KCTD7: variants seen among roughly 807,000 people sequenced by gnomAD.
KCTD7 encodes potassium channel tetramerization domain containing 7.
Under a neutral mutation model 27.0 loss-of-function variants are expected in KCTD7, and 15 were observed. The observed-to-expected ratio is 0.56, with a 90% CI of 0.37 to 0.86. KCTD7 has a LOEUF of 0.86. KCTD7 is among the 40% of genes least tolerant of loss of function. The probability of loss-of-function intolerance (pLI) is 0.00; values close to 1 mark genes in which losing one functional copy is unlikely to be tolerated. For synonymous variants in KCTD7, 159 were observed against 162.7 expected (o/e 0.98, Z 0.17); for missense variants, 299 against 398.9 (o/e 0.75, Z 2.13).
intron 2 of KCTD7, among the ~76,000 whole-genome samples, chr7:66,637,376 G>A (rs765042367): frequency 1.3e-5 from 2 of 152,110 alleles, no homozygotes; most frequent in African/African-American, 2.4e-5. Flanking sequence ...GTGAGCCACC[G>A]TGCCTGGCCT....
rs751140440 is a variant in KCTD7 at position 66,633,374 on chromosome 7, A to G, written c.244A>G (p.Ser82Gly). The change falls in exon 2 of 4, where the codon AGT becomes GGT. Residue 82 changes from serine (S) to glycine (G), a missense_variant. Transcript: ENST00000639828. ...AGACACCATGTTGGCAGCCATGTTC[A>G]GTGGGCGGCACTACATCCCCACGGA... ...YEDTMLAAMF[S>G]GRHYIPTDSE... is the part of the protein sequence containing the mutation. 3.7e-6 allele frequency: 6 copies of G among 1,614,076 alleles called. No homozygotes were observed. Among genetic ancestry groups the G allele is most frequent in the Non-Finnish European group, 1.7e-6 (2 of 1,179,978 alleles).
Position 66,638,438 on chromosome 7 carries a change from G to A in KCTD7, c.493+7G>A. ...CTCATGCCCTATTACAAAGGTGAGG[G>A]TCAGCTGCCCAGGATGGTGGGTATG... On this transcript the variant is annotated splice_region_variant and intron_variant, in intron 3 of 3. Transcript: ENST00000639828. The A allele has an allele frequency of 6.2e-7, 1 of 1,612,090 alleles. No individual in the cohort carries two copies. Among genetic ancestry groups the A allele is most frequent in the Non-Finnish European group, 8.5e-7 (1 of 1,179,206 alleles).
chr7:66,642,495 G>A lies in KCTD7; in HGVS notation c.*3263G>A. The A allele has an allele frequency of 1.0e-6, 1 of 985,390 alleles. No individual in the cohort carries two copies. The highest frequency in any genetic ancestry group is 1.2e-6 in the Non-Finnish European group (1 of 829,940). 61.0% of individuals were successfully genotyped at this position (985,390 alleles called of 1,614,324 possible). On this transcript the variant is annotated 3_prime_UTR_variant, in exon 4 of 4. Coordinates refer to ENST00000639828, the MANE Select transcript of KCTD7 (RefSeq NM_153033.5). ...GTGTGAGCATCCATGTGTGGTCTTG[G>A]TCTAAACCAGCTCTTGAACAGGTTA...
chr7:66,633,708 C>T lies in KCTD7; in HGVS notation c.314+264C>T, dbSNP rs558068907. ...ACAATTAAACAATTTTTATTTTCAG[C>T]TCTGCGCGGTGCTCATGCCTGTAAT... On this transcript the variant is annotated intron_variant, in intron 2 of 3. Coordinates refer to ENST00000639828, the MANE Select transcript of KCTD7 (RefSeq NM_153033.5). 2.0e-4 allele frequency among the ~76,000 whole-genome samples: 30 copies of T among 151,702 alleles called. 1 individual carries two copies. Among genetic ancestry groups the T allele is most frequent in the African/African-American group, 7.0e-4 (29 of 41,348 alleles).
rs1429482923 is a variant in KCTD7, at chr7:66,638,897, G to A, written c.535G>A (p.Val179Ile). The part of the protein sequence containing the change: ...RIVEIARLRA[V>I]QRKARFAKLK... ...TGTGGAGATCGCCCGGCTGCGTGCG[G>A]TCCAGCGGAAGGCCCGCTTTGCCAA... The change falls in exon 4 of 4, where the codon GTC becomes ATC. Residue 179 changes from valine (V) to isoleucine (I), a missense_variant. Physicochemically the swap from Val to Ile is conservative, Grantham distance 29 (BLOSUM62 3). Coordinates refer to ENST00000639828, the MANE Select transcript of KCTD7 (RefSeq NM_153033.5). 1 of 1,614,080 alleles carries A rather than the reference G, an allele frequency of 6.2e-7. No homozygotes were observed. Among genetic ancestry groups the A allele is most frequent in the East Asian group, 2.2e-5 (1 of 44,870 alleles).
In KCTD7 at chr7:66,639,204, T is replaced by C; in HGVS notation, c.842T>C (p.Ile281Thr). Residue 281 changes from isoleucine (I) to threonine (T), a missense_variant, in exon 4 of 4, where the codon ATC becomes ACC. Ile to Thr is a moderately conservative substitution (Grantham distance 89). Coordinates refer to ENST00000639828, the MANE Select transcript of KCTD7 (RefSeq NM_153033.5). Reference protein sequence around the residue: ...LVNHYYCKRPIYEFKITWW With the variant: ...LVNHYYCKRPTYEFKITWW Reference sequence around the variant, plus strand: ...AACCACTACTACTGCAAGCGCCCCATCTATGAGTTCAAGATCACATGGTGG... The same window carrying C: ...AACCACTACTACTGCAAGCGCCCCACCTATGAGTTCAAGATCACATGGTGG... 6.2e-7 allele frequency: 1 copy of C among 1,613,322 alleles called. No homozygotes were observed. The highest frequency in any genetic ancestry group is 8.5e-7 in the Non-Finnish European group (1 of 1,180,014).
rs984651812 is a variant in KCTD7, at chr7:66,633,411, G to A, written c.281G>A (p.Arg94Gln). The change falls in exon 2 of 4, where the codon CGG becomes CAG. Residue 94 changes from arginine (R) to glutamine (Q), a missense_variant. Physicochemically the swap from Arg to Gln is conservative, Grantham distance 43 (BLOSUM62 1). Transcript: ENST00000639828. ...RHYIPTDSEG[R>Q]YFIDRDGTHF... is the part of the protein sequence containing the mutation. ...TACATCCCCACGGACTCCGAGGGCCGGTACTTCATCGACCGAGATGGCACA... is the reference window on the plus strand; with the variant it reads ...TACATCCCCACGGACTCCGAGGGCCAGTACTTCATCGACCGAGATGGCACA... 2 of 1,613,938 alleles carry A rather than the reference G, an allele frequency of 1.2e-6. No individual in the cohort carries two copies. The highest frequency in any genetic ancestry group is 1.7e-6 in the Non-Finnish European group (2 of 1,180,026).
chr7:66,635,841 C>T, intron 2 of KCTD7, among the ~76,000 whole-genome samples: 1 of 151,580 alleles, frequency 6.6e-6, no homozygotes, highest in East Asian at 1.9e-4. Context: ...AAAGTGCCGG[C>T]CCCAGCTAGC....
rs1007488435 is a variant in KCTD7 at position 66,640,379 on chromosome 7, A to C, written c.*1147A>C. On this transcript the variant is annotated 3_prime_UTR_variant, in exon 4 of 4. Transcript: ENST00000639828. ...CACTCCTGTATATTTTGGTTTACTT[A>C]CTCCTCTATTTCAGAAATTGAAAAA... is the stretch of plus-strand genomic sequence containing the variant. 4 of 1,536,676 alleles carry C rather than the reference A, an allele frequency of 2.6e-6. No individual in the cohort carries two copies. The highest frequency in any genetic ancestry group is 3.9e-5 in the Admixed American group (2 of 50,936).
At chr7:66,634,784 C>T (rs1786547330) in intron 2 of KCTD7, among the ~76,000 whole-genome samples, 1 of 148,660 alleles carries the variant, frequency 6.7e-6, no homozygotes, top group African/African-American at 2.5e-5. Context: ...CAAGGAAAGT[C>T]TTTAAAAAAA....
intron 2 of KCTD7, 149 bp downstream of exon 2, chr7:66,633,593 A>ATTT (rs200130485): frequency 9.3e-5 from 59 of 636,208 alleles, no homozygotes; most frequent in Non-Finnish European, 1.2e-4. Flanking sequence ...AAAGAGATCA[A>ATTT]TTTTTTTTTT....
chr7:66,638,926 C>T lies in KCTD7; in HGVS notation c.564C>T (p.Leu188=). Residue 188 remains leucine (L), a synonymous_variant, in exon 4 of 4, where the codon CTC becomes CTT. Coordinates refer to ENST00000639828, the MANE Select transcript of KCTD7 (RefSeq NM_153033.5). ...AGCGGAAGGCCCGCTTTGCCAAGCTCAAGGTCTGTGTCTTCAAGGAGGAGA... is the reference window on the plus strand; with the variant it reads ...AGCGGAAGGCCCGCTTTGCCAAGCTTAAGGTCTGTGTCTTCAAGGAGGAGA... ...AVQRKARFAK[L]KVCVFKEEMP... The T allele has an allele frequency of 6.2e-7, 1 of 1,614,180 alleles. No individual in the cohort carries two copies. Among genetic ancestry groups the T allele is most frequent in the Non-Finnish European group, 8.5e-7 (1 of 1,180,030 alleles).
intron 1 of KCTD7, among the ~76,000 whole-genome samples, chr7:66,631,621 A>G (rs2116760475): frequency 6.6e-6 from 1 of 152,108 alleles, no homozygotes; most frequent in South Asian, 2.1e-4. Context: ...ATCTGGAGGA[A>G]GTTTGTGGGA....
At position 66,640,574 on chromosome 7, in the gene KCTD7, G is replaced by C; in HGVS notation, c.*1342G>C. ...AGGGTGTCTCTCTCTAATCATGATT[G>C]TACCTGTCTCTTCCTGGGTAAAGGG... On this transcript the variant is annotated 3_prime_UTR_variant, in exon 4 of 4. Transcript: ENST00000639828. 1 of 1,418,252 alleles carries C rather than the reference G, an allele frequency of 7.1e-7. No homozygotes were observed. The highest frequency in any genetic ancestry group is 2.6e-5 in the East Asian group (1 of 37,948). The allele number at this position is 1,418,252 out of a possible 1,614,324, so 87.9% of individuals were successfully genotyped here. A position where few individuals can be genotyped will look rare whatever the true frequency, so the allele number is the denominator to read the frequency against.
Position 66,640,194 on chromosome 7 carries a change from TCTC to T in KCTD7, c.*965_*967del. On this transcript the variant is annotated 3_prime_UTR_variant, in exon 4 of 4. Coordinates refer to ENST00000639828, the MANE Select transcript of KCTD7 (RefSeq NM_153033.5). ...CCCTGTTCCTCTGTCCTGGTAACAT[TCTC>T]CTTCTAGGAGAGCCTCTCTTCTGAG... is the stretch of plus-strand genomic sequence containing the variant. The T allele has an allele frequency of 7.0e-7, 1 of 1,438,690 alleles. No homozygotes were observed. The highest frequency in any genetic ancestry group is 9.1e-7 in the Non-Finnish European group (1 of 1,104,028). The allele number at this position is 1,438,690 out of a possible 1,614,324, so 89.1% of individuals were successfully genotyped here. A position where few individuals can be genotyped will look rare whatever the true frequency, so the allele number is the denominator to read the frequency against.
At chr7:66,629,348 C>A in intron 1 of KCTD7, 140 bp downstream of exon 1, 1 of 567,588 alleles carries the variant, frequency 1.8e-6, no homozygotes, top group South Asian at 8.5e-5. Flanking sequence ...CCCCCGCCCA[C>A]CTGCAACTCC....
At chr7:66,629,735 T>C (rs986543204) in intron 1 of KCTD7, among the ~76,000 whole-genome samples, 2 of 152,122 alleles carry the variant, frequency 1.3e-5, no homozygotes, top group African/African-American at 2.4e-5. Flanking sequence ...GAAAAAGATG[T>C]CTTCTAGAGA....
chr7:66,638,222 T>C, intron 2 of KCTD7, 31 bp from the exon 3 acceptor site: 1 of 1,613,724 alleles, frequency 6.2e-7, no homozygotes, highest in Non-Finnish European at 8.5e-7. Flanking sequence ...CATAAGCTCC[T>C]TGTCACCGAC....
At chr7:66,632,879 TA>T (rs541701721) in intron 1 of KCTD7, among the ~76,000 whole-genome samples, 48 of 113,948 alleles carry the variant, frequency 4.2e-4, no homozygotes, top group Admixed American at 3.6e-3. Context: ...CCATCTCTAC[TA>T]AAAAAATATA....
Sources: allele counts gnomAD v4.1 joint callset (sites outside exome capture counted in the v4.1 genomes callset), GRCh38; gene constraint gnomAD v4.1.1; transcripts MANE v1.5; gene names NCBI Gene and HGNC (gene_info 2026-07-23, HGNC 2026-07-21).